TMEM44: variants seen among roughly 807,000 people sequenced by gnomAD.
TMEM44 encodes the protein transmembrane protein 44.
A neutral mutation model predicts 47.8 loss-of-function variants in TMEM44; 43 were observed. The observed-to-expected ratio is 0.90, with a 90% CI of 0.70 to 1.16. TMEM44 has a LOEUF of 1.16. Among genes scored for constraint, TMEM44 ranks in the 50% most tolerant of loss-of-function variants. The pLI, the probability that TMEM44 is intolerant of heterozygous loss-of-function variation, is 0.00. For synonymous variants in TMEM44, 277 were observed against 238.8 expected (o/e 1.16, Z -1.48); for missense variants, 568 against 555.2 (o/e 1.02, Z -0.23).
intron 9 of TMEM44, among the ~76,000 whole-genome samples, chr3:194,603,905 GT>G (rs1714451216): frequency 6.6e-6 from 1 of 151,734 alleles, no homozygotes; most frequent in Non-Finnish European, 1.5e-5. Flanking sequence ...CCAGACTAAA[GT>G]GCAATGGCGC....
chr3:194,604,790 G>A (rs768980506), intron 8 of TMEM44, among the ~76,000 whole-genome samples: 2 of 152,166 alleles, frequency 1.3e-5, no homozygotes. Flanking sequence ...GATTTGGGAG[G>A]TTTTTGGTAG....
intron 5 of TMEM44, among the ~76,000 whole-genome samples, chr3:194,618,015 C>T (rs77483650): frequency 0.011 from 1,732 of 152,292 alleles, 21 homozygotes; most frequent in Non-Finnish European, 0.019. Flanking sequence ...CAGATGCTGG[C>T]GTCATGCTTG....
chr3:194,599,586 C>CTTTT (rs35672774), intron 9 of TMEM44, among the ~76,000 whole-genome samples: 1 of 129,036 alleles, frequency 7.7e-6, no homozygotes. Context: ...TTTTTCTTTT[C>CTTTT]TTTTTTTTTT....
At chr3:194,595,493 A>T (rs1344675599) in intron 9 of TMEM44, among the ~76,000 whole-genome samples, 1 of 152,172 alleles carries the variant, frequency 6.6e-6, no homozygotes, top group African/African-American at 2.4e-5. Flanking sequence ...CCATTTGTCC[A>T]ACTCTTTACT....
At chr3:194,631,386 C>T (rs775928007) in intron 1 of TMEM44, among the ~76,000 whole-genome samples, 7 of 151,686 alleles carry the variant, frequency 4.6e-5, no homozygotes, top group East Asian at 3.9e-4. Flanking sequence ...ATCCTTAGGA[C>T]GATTTAGCTG....
intron 8 of TMEM44, among the ~76,000 whole-genome samples, chr3:194,608,924 T>C (rs1302245435): frequency 1.3e-5 from 2 of 152,100 alleles, no homozygotes; most frequent in Non-Finnish European, 2.9e-5. Context: ...TCGTTAGAGA[T>C]GGGCAGGGCA....
At chr3:194,596,924 G>A (rs557839767) in intron 9 of TMEM44, 5 of 151,596 alleles carry the variant, frequency 3.3e-5, no homozygotes, top group African/African-American at 1.2e-4. Flanking sequence ...ATCTGCTGGT[G>A]CCAGAAAGTT....
chr3:194,623,262 C>G lies in TMEM44; in HGVS notation c.574G>C (p.Gly192Arg). ...GYLLGSVAAF[G>R]SWASRIPPLS... ...GGGGGGATCCGAGAAGCCCAGGAGC[C>G]AAAGGCAGCAACGCTACCCAGCAGG... Residue 192 changes from glycine (G) to arginine (R), a missense_variant, in exon 5 of 10, where the codon GGC becomes CGC. By Grantham distance (125) the Gly-to-Arg change is moderately radical. Coordinates refer to ENST00000347147, the MANE Select transcript of TMEM44 (RefSeq NM_001011655.3). The G allele has an allele frequency of 1.2e-6, 2 of 1,611,922 alleles. No individual in the cohort carries two copies. Among genetic ancestry groups the G allele is most frequent in the Non-Finnish European group, 1.7e-6 (2 of 1,179,228 alleles).
chr3:194,629,445 G>A (rs772593768), intron 1 of TMEM44, among the ~76,000 whole-genome samples: 56 of 152,266 alleles, frequency 3.7e-4, no homozygotes, highest in Non-Finnish European at 7.1e-4. Context: ...GCACGGAAGG[G>A]CAGGAAGGGG....
chr3:194,610,288 A>C (rs895094300), intron 8 of TMEM44, among the ~76,000 whole-genome samples: 1 of 151,230 alleles, frequency 6.6e-6, no homozygotes, highest in Non-Finnish European at 1.5e-5. Context: ...CAGCCCTTTC[A>C]TCTCCCCTCA....
chr3:194,598,400 C>T (rs986415133), intron 9 of TMEM44, among the ~76,000 whole-genome samples: 1 of 150,210 alleles, frequency 6.7e-6, no homozygotes, highest in Non-Finnish European at 1.5e-5. Context: ...TTCCCGGGTA[C>T]CAGTCTCTGC....
intron 1 of TMEM44, among the ~76,000 whole-genome samples, chr3:194,630,849 TA>T (rs1717733647): frequency 6.9e-6 from 1 of 145,664 alleles, no homozygotes; most frequent in African/African-American, 2.6e-5. Context: ...GCCTCTGAAA[TA>T]ATACGCTGTC....
chr3:194,589,499 G>C (rs758142363), intron 9 of TMEM44: 1 of 152,144 alleles, frequency 6.6e-6, no homozygotes, highest in Non-Finnish European at 1.5e-5. Context: ...CACGGGAACA[G>C]AGCAAACGTT....
intron 5 of TMEM44, 30 bp from the exon 6 acceptor site, chr3:194,617,299 G>GGGGGGGGGGGGT: frequency 3.2e-6 from 2 of 619,734 alleles, no homozygotes; most frequent in Non-Finnish European, 2.7e-6. Flanking sequence ...GGCTGGGCGG[G>GGGGGGGGGGGGT]AGAAGCAGCA....
intron 5 of TMEM44, 69 bp downstream of exon 5, chr3:194,623,155 C>T (rs1343114229): frequency 6.7e-7 from 1 of 1,483,880 alleles, no homozygotes. Flanking sequence ...CCATGACCCT[C>T]TCAGGATGCT....
At chr3:194,625,049 G>A (rs1716993355) in intron 3 of TMEM44, among the ~76,000 whole-genome samples, 1 of 152,048 alleles carries the variant, frequency 6.6e-6, no homozygotes, top group South Asian at 2.1e-4. Flanking sequence ...AAGGGCCCAA[G>A]CACATGGCTG....
rs534087016 is a variant in TMEM44, at chr3:194,614,285, G to A, written c.912+1284C>T. Reference sequence around the variant, plus strand: ...AGCCGATTTCCAAAGGCTGGATCATGTAGCTGGGCATGACGACAGGCTCTG... The same window carrying A: ...AGCCGATTTCCAAAGGCTGGATCATATAGCTGGGCATGACGACAGGCTCTG... On this transcript the variant is annotated intron_variant, in intron 7 of 9. Transcript: ENST00000347147. Among the ~76,000 whole-genome samples, 6 of 152,340 alleles carry A rather than the reference G, an allele frequency of 3.9e-5. 1 individual carries two copies. In the East Asian group the frequency reaches 1.2e-3, roughly 29 times the overall value.
At position 194,628,385 on chromosome 3, in the gene TMEM44, G is replaced by T; in HGVS notation, c.262C>A (p.Gln88Lys). 1 of 1,610,492 alleles carries T rather than the reference G, an allele frequency of 6.2e-7. No individual in the cohort carries two copies. The highest frequency in any genetic ancestry group is 2.2e-5 in the East Asian group (1 of 44,782). ...TGTCAGCTGGAGGCCCAACATACCTGGATTGTGAGCTGTCTGGCCAGAAGA... is the reference window on the plus strand; with the variant it reads ...TGTCAGCTGGAGGCCCAACATACCTTGATTGTGAGCTGTCTGGCCAGAAGA... ...GALLARQLTI[Q>K]VFTGAYLAAI... is the part of the protein sequence containing the mutation. Residue 88 changes from glutamine (Q) to lysine (K), a missense_variant and splice_region_variant, in exon 2 of 10, where the codon CAG (glutamine) becomes AAG (lysine). Physicochemically the swap from Gln to Lys is moderately conservative, Grantham distance 53. Coordinates refer to ENST00000347147, the MANE Select transcript of TMEM44 (RefSeq NM_001011655.3).
intron 9 of TMEM44, chr3:194,593,037 A>G: frequency 6.2e-7 from 1 of 1,613,972 alleles, no homozygotes; most frequent in Admixed American, 1.7e-5. Context: ...ATGATCGTCC[A>G]TACCTGCTCC....
Sources: allele counts gnomAD v4.1 joint callset (sites outside exome capture counted in the v4.1 genomes callset), GRCh38; gene constraint gnomAD v4.1.1; transcripts MANE v1.5; gene names NCBI Gene and HGNC (gene_info 2026-07-23, HGNC 2026-07-21).